The following TAFA5 variants were observed in gnomAD, a reference collection of about 807,000 sequenced individuals.
The protein encoded by TAFA5 is chemokine-like protein TAFA-5.
Under a neutral mutation model 15.3 loss-of-function variants are expected in TAFA5, and 6 were observed. That is an observed-to-expected ratio of 0.39 (90% CI 0.21 to 0.77). The LOEUF is 0.77. Among genes scored for constraint, TAFA5 ranks in the 30% least tolerant of loss-of-function variants. TAFA5 has a pLI of 0.41. For synonymous variants in TAFA5, 103 were observed against 80.7 expected, an observed-to-expected ratio of 1.28 and a Z score of -1.48; for missense variants, 161 against 193.1, an observed-to-expected ratio of 0.83 and a Z score of 0.98.
intron 2 of TAFA5, among the ~76,000 whole-genome samples, chr22:48,662,922 G>A (rs1163585956): frequency 6.6e-6 from 1 of 152,200 alleles, no homozygotes; most frequent in Non-Finnish European, 1.5e-5. Flanking sequence ...CCCACGCAGG[G>A]AGCCCGAGAG....
At chr22:48,518,622 C>T (rs1235572181) in intron 1 of TAFA5, among the ~76,000 whole-genome samples, 1 of 152,188 alleles carries the variant, frequency 6.6e-6, no homozygotes, top group East Asian at 1.9e-4. Context: ...GCCTGGGAGG[C>T]GGACTCTCTC....
chr22:48,675,162 G>A (rs1322741005), intron 2 of TAFA5, among the ~76,000 whole-genome samples: 8 of 152,300 alleles, frequency 5.3e-5, no homozygotes, highest in East Asian at 3.9e-4. Context: ...GGCTGGTCTC[G>A]AACTCCTGAC....
Position 48,742,950 on chromosome 22 carries a change from C to T in TAFA5, c.391-6889C>T, listed in dbSNP as rs1930224641. Among the ~76,000 whole-genome samples, 1 of 152,166 alleles carries T rather than the reference C, an allele frequency of 6.6e-6. No individual in the cohort carries two copies. The highest frequency in any genetic ancestry group is 2.4e-5 in the African/African-American group (1 of 41,442). The stretch of plus-strand genomic sequence containing the variant: ...ATGTTGGGGCAATGCTGCCTGGCCC[C>T]GCCCTCAGCCCAGCCCTGGGACGCA... On this transcript the variant is annotated intron_variant, in intron 3 of 3. Coordinates refer to ENST00000402357, the MANE Select transcript of TAFA5 (RefSeq NM_001082967.3). This position sits in a 1 kb window ranked among gnomAD's most constrained non-coding sequence, Gnocchi z 6.2.
chr22:48,563,084 C>T (rs1923292500), intron 1 of TAFA5, among the ~76,000 whole-genome samples: 1 of 152,194 alleles, frequency 6.6e-6, no homozygotes, highest in Non-Finnish European at 1.5e-5. Flanking sequence ...CGGCCCTTGA[C>T]CTTCCACCAT....
At chr22:48,709,712 G>C (rs900596393) in intron 3 of TAFA5, among the ~76,000 whole-genome samples, 2 of 152,234 alleles carry the variant, frequency 1.3e-5, no homozygotes, top group Non-Finnish European at 1.5e-5. Context: ...GAACTCGGAT[G>C]CACCTCTGTG....
chr22:48,535,544 T>C (rs1214123159), intron 1 of TAFA5, among the ~76,000 whole-genome samples: 1 of 150,510 alleles, frequency 6.6e-6, no homozygotes, highest in Non-Finnish European at 1.5e-5. Flanking sequence ...CACTCGTGCC[T>C]TTGTGTGCGC....
At chr22:48,495,708 G>GT (rs1928302051) in intron 1 of TAFA5, among the ~76,000 whole-genome samples, 1 of 152,180 alleles carries the variant, frequency 6.6e-6, no homozygotes, top group African/African-American at 2.4e-5. Flanking sequence ...CCTCCTGAAT[G>GT]TAGCAGCGTC....
chr22:48,706,740 T>C (rs1929089899), intron 2 of TAFA5, among the ~76,000 whole-genome samples: 1 of 152,240 alleles, frequency 6.6e-6, no homozygotes, highest in Non-Finnish European at 1.5e-5. Context: ...GTCCAATTTT[T>C]ATAAAAGTAA....
chr22:48,620,598 C>T (rs28575332), intron 1 of TAFA5, among the ~76,000 whole-genome samples: 51,791 of 87,640 alleles, frequency 0.59, 14,219 homozygotes, highest in East Asian at 0.84. Context: ...CACCCACCCC[C>T]CTACCCATCC....
At chr22:48,627,804 G>A (rs1000910856) in intron 1 of TAFA5, among the ~76,000 whole-genome samples, 7 of 152,246 alleles carry the variant, frequency 4.6e-5, no homozygotes, top group African/African-American at 7.2e-5. Flanking sequence ...GCCAGGACGA[G>A]GGGGAGGGAG....
At chr22:48,656,014 T>C (rs1927231176) in intron 2 of TAFA5, among the ~76,000 whole-genome samples, 1 of 151,428 alleles carries the variant, frequency 6.6e-6, no homozygotes, top group Admixed American at 6.6e-5. Context: ...AATTTTTTTT[T>C]TGTATTTTTA....
At chr22:48,646,866 C>A in intron 2 of TAFA5, 120 bp downstream of exon 2, 1 of 1,273,868 alleles carries the variant, frequency 7.9e-7, no homozygotes, top group Non-Finnish European at 1.1e-6. Flanking sequence ...ATCCTCGGGT[C>A]AGGCCCCTGG....
intron 1 of TAFA5, among the ~76,000 whole-genome samples, chr22:48,565,032 C>A (rs942755674): frequency 6.6e-6 from 1 of 152,234 alleles, no homozygotes; most frequent in African/African-American, 2.4e-5. Flanking sequence ...CTGCACTCTG[C>A]CTTCTCATCC....
chr22:48,534,164 GC>G (rs1434937601), intron 1 of TAFA5, among the ~76,000 whole-genome samples: 3 of 150,490 alleles, frequency 2.0e-5, no homozygotes, highest in Non-Finnish European at 3.0e-5. Context: ...GGTGAGGGGG[GC>G]CAGGCAGGTG....
chr22:48,614,874 C>T (rs915423075), intron 1 of TAFA5, among the ~76,000 whole-genome samples: 4 of 152,224 alleles, frequency 2.6e-5, no homozygotes, highest in South Asian at 2.1e-4. Flanking sequence ...CAGCTGGAGC[C>T]GGCCCTGGAG....
chr22:48,494,194 G>A (rs538887814), intron 1 of TAFA5, among the ~76,000 whole-genome samples: 10 of 152,254 alleles, frequency 6.6e-5, no homozygotes, highest in Admixed American at 1.3e-4. Context: ...TTTTATGGGC[G>A]TAATTATGGG....
chr22:48,610,773 G>C (rs1925375009), intron 1 of TAFA5, among the ~76,000 whole-genome samples: 1 of 152,202 alleles, frequency 6.6e-6, no homozygotes, highest in African/African-American at 2.4e-5. Context: ...CATGAGGATG[G>C]GGAGGGAAGG....
intron 1 of TAFA5, among the ~76,000 whole-genome samples, chr22:48,631,611 C>T (rs190831698): frequency 3.3e-5 from 5 of 152,344 alleles, no homozygotes; most frequent in African/African-American, 7.2e-5. Context: ...GGCGTCACAC[C>T]GGCCTCCCGA....
chr22:48,749,957 C>T lies in TAFA5; in HGVS notation c.*110C>T. On this transcript the variant is annotated 3_prime_UTR_variant, in exon 4 of 4. Transcript: ENST00000402357. ...GACTTCACCCGTTCTCTGCCGCCCG[C>T]CCACTCCGTTTCCCTGTGGTCCGTG... is the stretch of plus-strand genomic sequence containing the variant. 1.9e-6 allele frequency: 2 copies of T among 1,077,882 alleles called. No individual in the cohort carries two copies. The highest frequency in any genetic ancestry group is 2.7e-5 in the South Asian group (2 of 73,596). The allele number at this position is 1,077,882 out of a possible 1,614,324, so 66.8% of individuals were successfully genotyped here. A position where few individuals can be genotyped will look rare whatever the true frequency, so the allele number is the denominator to read the frequency against.
Sources: gnomAD v4.1 joint callset for allele counts (sites outside exome capture counted in the v4.1 genomes callset) on GRCh38, gnomAD v4.1.1 for gene constraint, Gnocchi (gnomAD v3.1) non-coding constraint, MANE v1.5 for transcripts, NCBI Gene and HGNC (gene_info 2026-07-23, HGNC 2026-07-21) for gene names.